The following CASK variants were observed in gnomAD, a reference collection of about 807,000 sequenced individuals.
CASK encodes peripheral plasma membrane protein CASK.
In CASK, 4 loss-of-function variants were observed where a neutral mutation model predicts 82.9. That is an observed-to-expected ratio of 0.05 (90% CI 0.02 to 0.11). CASK has a LOEUF of 0.11. Ranked by LOEUF, CASK falls within the 10% of genes least tolerant of loss-of-function variation. CASK has a pLI of 1.00. For missense variants in CASK, 358 were observed against 720.9 expected (o/e 0.50, Z 5.76); for synonymous variants, 259 against 253.5 (o/e 1.02, Z -0.20).
intron 2 of CASK, among the ~76,000 whole-genome samples, chrX:41,829,738 T>TAC (rs2070755753): frequency 7.3e-5 from 3 of 40,994 alleles, no homozygotes; most frequent in African/African-American, 1.0e-4. Context: ...TATATATATA[T>TAC]ATATATATAT....
intron 22 of CASK, among the ~76,000 whole-genome samples, 192 bp downstream of exon 22, chrX:41,542,499 G>A (rs1004041681): frequency 1.8e-5 from 2 of 112,912 alleles, no homozygotes; most frequent in African/African-American, 6.4e-5. Context: ...GTATAGCTCT[G>A]TAAAATATCT....
chrX:41,653,587 A>G (rs2066893850), intron 8 of CASK, among the ~76,000 whole-genome samples: 1 of 111,900 alleles, frequency 8.9e-6, no homozygotes, highest in African/African-American at 3.3e-5. Context: ...CTGACCCCCA[A>G]AGGAAAAATT....
At chrX:41,726,290 AG>A (rs1183639554) in intron 5 of CASK, among the ~76,000 whole-genome samples, 1 of 112,307 alleles carries the variant, frequency 8.9e-6, no homozygotes, top group African/African-American at 3.2e-5. Flanking sequence ...CTTTTATTGA[AG>A]TATGACAGTT....
intron 5 of CASK, among the ~76,000 whole-genome samples, chrX:41,702,008 T>C (rs1336292563): frequency 8.9e-6 from 1 of 112,544 alleles, no homozygotes; most frequent in Non-Finnish European, 1.9e-5. Context: ...TGTCTTTTAT[T>C]TTAAAAAACA....
chrX:41,695,883 C>T (rs761720270), intron 5 of CASK: 5 of 1,206,519 alleles, frequency 4.1e-6, no homozygotes, highest in Non-Finnish European at 5.6e-6. Flanking sequence ...GGGTATTCAC[C>T]GTAAAAGAAA....
intron 1 of CASK, among the ~76,000 whole-genome samples, chrX:41,916,017 G>A (rs199996514): frequency 7.6e-4 from 74 of 97,060 alleles, no homozygotes; most frequent in East Asian, 2.2e-3. Context: ...ACACACACAC[G>A]CACACACAAA....
intron 12 of CASK, among the ~76,000 whole-genome samples, chrX:41,597,395 T>C (rs1454754926): frequency 8.9e-6 from 1 of 112,711 alleles, no homozygotes; most frequent in African/African-American, 3.2e-5. Context: ...AGAAGTTTCC[T>C]GCTGGAAAAG....
intron 3 of CASK, among the ~76,000 whole-genome samples, chrX:41,784,526 T>C (rs1037964610): frequency 1.8e-5 from 2 of 111,756 alleles, no homozygotes; most frequent in African/African-American, 6.5e-5. Flanking sequence ...GTAGGTCACA[T>C]AGCAGACATT....
chrX:41,681,326 G>A (rs1465169195), intron 5 of CASK, among the ~76,000 whole-genome samples: 1 of 111,932 alleles, frequency 8.9e-6, no homozygotes, highest in Non-Finnish European at 1.9e-5. Flanking sequence ...CACCTACACA[G>A]ACTGTAAACG....
chrX:41,726,443 T>C (rs1339838707), intron 5 of CASK, among the ~76,000 whole-genome samples: 1 of 111,926 alleles, frequency 8.9e-6, no homozygotes, highest in Non-Finnish European at 1.9e-5. Flanking sequence ...AGTTAACTTC[T>C]GAAATATGAA....
At chrX:41,885,710 G>C (rs1056861098) in intron 1 of CASK, among the ~76,000 whole-genome samples, 5 of 111,579 alleles carry the variant, frequency 4.5e-5, no homozygotes, top group African/African-American at 1.6e-4. Context: ...TTGTGTAGTG[G>C]TACGAGAACT....
chrX:41,526,238 G>A (rs906576512), intron 25 of CASK, among the ~76,000 whole-genome samples: 1 of 110,956 alleles, frequency 9.0e-6, no homozygotes, highest in Non-Finnish European at 1.9e-5. Flanking sequence ...CCCTACTCCC[G>A]GTCACACACA....
chrX:41,672,789 G>T (rs1043562600), intron 5 of CASK, among the ~76,000 whole-genome samples: 1 of 112,284 alleles, frequency 8.9e-6, no homozygotes, highest in Non-Finnish European at 1.9e-5. Context: ...GAGAGCCAGA[G>T]AAAGAAGGAA....
chrX:41,912,312 T>G (rs867138082), intron 1 of CASK, among the ~76,000 whole-genome samples: 23 of 96,250 alleles, frequency 2.4e-4, no homozygotes, highest in Admixed American at 1.7e-3. Context: ...TTTTTTTTTT[T>G]TTTTTTTTTT....
At chrX:41,621,708 A>G (rs1249183301) in intron 11 of CASK, among the ~76,000 whole-genome samples, 3 of 112,316 alleles carry the variant, frequency 2.7e-5, no homozygotes, top group African/African-American at 9.7e-5. Flanking sequence ...CTAATATACT[A>G]TAAGATTTAT....
At chrX:41,829,710 T>TAC (rs1274414201) in intron 2 of CASK, among the ~76,000 whole-genome samples, 3,901 of 13,588 alleles carry the variant, frequency 0.29, 624 homozygotes, top group Non-Finnish European at 0.32. Flanking sequence ...TATATATATA[T>TAC]ATATATATAT....
intron 15 of CASK, among the ~76,000 whole-genome samples, chrX:41,576,056 C>T (rs2065480091): frequency 9.2e-6 from 1 of 109,083 alleles, no homozygotes; most frequent in Non-Finnish European, 1.9e-5. Context: ...CTCACTGCAA[C>T]CTCCGCCTCC....
At position 41,542,688 on chromosome X, in the gene CASK, T is replaced by C; in HGVS notation, c.2155+3A>G. The C allele has an allele frequency of 3.5e-6, 4 of 1,145,580 alleles. No individual in the cohort carries two copies. The highest frequency in any genetic ancestry group is 3.0e-5 in the East Asian group (1 of 33,606). The allele number at this position is 1,145,580 out of a possible 1,213,427, so 94.4% of individuals were successfully genotyped here. On this transcript the variant is annotated splice_donor_region_variant and intron_variant, in intron 22 of 26. Transcript: ENST00000378163. The stretch of plus-strand genomic sequence containing the variant: ...CCTCAGTAACAGTTGTGCTTTTCCC[T>C]ACCTGCATTGTGCTTTGCCAAATAT...
At chrX:41,776,553 T>G (rs1211236445) in intron 3 of CASK, among the ~76,000 whole-genome samples, 1 of 112,367 alleles carries the variant, frequency 8.9e-6, no homozygotes, top group African/African-American at 3.2e-5. Flanking sequence ...GATATGATTA[T>G]GTATGGAGAA....
Sources: allele counts gnomAD v4.1 joint callset (sites outside exome capture counted in the v4.1 genomes callset), GRCh38; gene constraint gnomAD v4.1.1; transcripts MANE v1.5; gene names NCBI Gene and HGNC (gene_info 2026-07-23, HGNC 2026-07-21).